The following ADAM28 variants were observed in gnomAD, a reference collection of about 807,000 sequenced individuals.
The protein encoded by ADAM28 is ADAM metallopeptidase domain 28, also known as disintegrin and metalloproteinase domain-containing protein 28.
In ADAM28, 105 loss-of-function variants were observed where a neutral mutation model predicts 101.2. That is an observed-to-expected ratio of 1.04 (90% CI 0.89 to 1.22). The LOEUF is 1.22. Ranked by LOEUF, ADAM28 falls within the 50% of genes most tolerant of loss-of-function variation. The pLI is 0.00. For missense variants in ADAM28, 1,028 were observed against 945.4 expected (o/e 1.09, Z -1.15); for synonymous variants, 322 against 310.6 (o/e 1.04, Z -0.39).
chr8:24,317,453 A>T (rs1811306367), intron 6 of ADAM28, among the ~76,000 whole-genome samples: 1 of 152,196 alleles, frequency 6.6e-6, no homozygotes, highest in African/African-American at 2.4e-5. Context: ...CTCTTCAATA[A>T]ATAGTGCTGG....
intron 6 of ADAM28, among the ~76,000 whole-genome samples, chr8:24,319,821 T>A (rs1811632519): frequency 2.0e-5 from 3 of 151,886 alleles, no homozygotes; most frequent in Admixed American, 6.6e-5. Context: ...AGCATGTATT[T>A]CACCAGGATA....
intron 22 of ADAM28, among the ~76,000 whole-genome samples, 172 bp from the exon 23 acceptor site, chr8:24,354,212 A>C (rs896367424): frequency 6.6e-6 from 1 of 151,818 alleles, no homozygotes; most frequent in Non-Finnish European, 1.5e-5. Flanking sequence ...TGTTTTTCTC[A>C]CTCCCTTCCT....
At chr8:24,323,658 G>A (rs1488946281) in intron 8 of ADAM28, among the ~76,000 whole-genome samples, 176 bp from the exon 9 acceptor site, 1 of 151,784 alleles carries the variant, frequency 6.6e-6, no homozygotes, top group African/African-American at 2.4e-5. Flanking sequence ...CTTTTGTTTT[G>A]AATGGGAGTT....
chr8:24,321,986 T>C (rs971884584), intron 8 of ADAM28, among the ~76,000 whole-genome samples: 2 of 152,000 alleles, frequency 1.3e-5, no homozygotes, highest in African/African-American at 4.8e-5. Flanking sequence ...ATGAGTCTCT[T>C]TGTGGTATCC....
At position 24,356,495 on chromosome 8, in the gene ADAM28, T is replaced by A. The variant is rs1010038627; in HGVS notation, c.*2091T>A. ...GTCCCTGATGCAGATGCATCATACG[T>A]CCTATTTGAAGAGAAGAAATGCAGT... is the stretch of plus-strand genomic sequence containing the variant. On this transcript the variant is annotated 3_prime_UTR_variant, in exon 23 of 23. Transcript: ENST00000265769. 4 of 152,114 alleles carry A rather than the reference T, an allele frequency of 2.6e-5. No homozygotes were observed. Among genetic ancestry groups the A allele is most frequent in the Non-Finnish European group, 5.9e-5 (4 of 68,006 alleles). The allele number at this position is 152,114 out of a possible 1,614,324, so 9.4% of individuals were successfully genotyped here. A position where few individuals can be genotyped will look rare whatever the true frequency, so the allele number is the denominator to read the frequency against.
chr8:24,311,852 C>T (rs530434153), intron 5 of ADAM28, among the ~76,000 whole-genome samples: 1 of 152,230 alleles, frequency 6.6e-6, no homozygotes, highest in African/African-American at 2.4e-5. Flanking sequence ...GATTCTCCTA[C>T]CTCAGCCTCT....
intron 7 of ADAM28, 147 bp from the exon 8 acceptor site, chr8:24,321,071 T>C (rs1811807898): frequency 5.3e-6 from 3 of 569,836 alleles, no homozygotes; most frequent in East Asian, 6.0e-5. Flanking sequence ...TGAATAGGAA[T>C]TAATTTGATT....
intron 4 of ADAM28, 137 bp downstream of exon 4, chr8:24,310,378 A>ATTTTCCACTTTTCTTTTTTTT: frequency 1.4e-6 from 1 of 729,190 alleles, no homozygotes; most frequent in East Asian, 2.9e-5. Context: ...CATTACTTAA[A>ATTTTCCACTTTTCTTTTTTTT]ATATAAAAAA....
Position 24,312,729 on chromosome 8 carries a change from C to A in ADAM28, c.384-659C>A, listed in dbSNP as rs566024051. Among the ~76,000 whole-genome samples the A allele has an allele frequency of 3.3e-5, 5 of 151,882 alleles. No homozygotes were observed. In the East Asian group the frequency reaches 7.7e-4, roughly 23 times the overall value. ...AACATAAGCTCCATAAGAAAAGAGACCATGTCTTTATTTTTGCTGTCTACC... is the reference window on the plus strand; with the variant it reads ...AACATAAGCTCCATAAGAAAAGAGAACATGTCTTTATTTTTGCTGTCTACC... On this transcript the variant is annotated intron_variant, in intron 5 of 22. Transcript: ENST00000265769.
chr8:24,306,985 C>A (rs1356158890), intron 2 of ADAM28, among the ~76,000 whole-genome samples: 2 of 152,154 alleles, frequency 1.3e-5, no homozygotes, highest in Admixed American at 1.3e-4. Flanking sequence ...TGCCACACAA[C>A]AAATACATGA....
chr8:24,335,905 C>A, intron 14 of ADAM28: 1 of 1,147,074 alleles, frequency 8.7e-7, no homozygotes. Flanking sequence ...ATCAGTATAT[C>A]CCATGCAATA....
At chr8:24,346,614 C>G (rs76625014) in intron 18 of ADAM28, among the ~76,000 whole-genome samples, 11,600 of 152,056 alleles carry the variant, frequency 0.076, 802 homozygotes, top group African/African-American at 0.18. Context: ...CAGCCATTGG[C>G]TTTCAAGATT....
rs1475429158 is a variant in ADAM28, at chr8:24,320,318, G to A, written c.648+11G>A. 2 of 1,561,364 alleles carry A rather than the reference G, an allele frequency of 1.3e-6. No homozygotes were observed. The highest frequency in any genetic ancestry group is 1.8e-6 in the Non-Finnish European group (2 of 1,138,540). On this transcript the variant is annotated intron_variant, in intron 7 of 22. Coordinates refer to ENST00000265769, the MANE Select transcript of ADAM28 (RefSeq NM_014265.6). Reference sequence around the variant, plus strand: ...CTGGATAATGGTGAGGTAATTATATGAGATAAATGTGCTGTCTTCCAAAAC... The same window carrying A: ...CTGGATAATGGTGAGGTAATTATATAAGATAAATGTGCTGTCTTCCAAAAC...
In ADAM28 at chr8:24,330,129, G is replaced by A; in HGVS notation, c.1103+14G>A. 1 of 1,610,016 alleles carries A rather than the reference G, an allele frequency of 6.2e-7. No homozygotes were observed. The highest frequency in any genetic ancestry group is 1.7e-5 in the Admixed American group (1 of 59,772). On this transcript the variant is annotated intron_variant, in intron 11 of 22. Coordinates refer to ENST00000265769, the MANE Select transcript of ADAM28 (RefSeq NM_014265.6). ...CAAAGCACTGAGGTGAGGCTCTCTG[G>A]GCCCTGGGGACATGCTATGTAGCCC...
intron 4 of ADAM28, among the ~76,000 whole-genome samples, chr8:24,310,980 G>A (rs1228737684): frequency 6.6e-6 from 1 of 152,084 alleles, no homozygotes; most frequent in Non-Finnish European, 1.5e-5. Flanking sequence ...CCTATCCTTT[G>A]GAAAAAAGCT....
At chr8:24,336,296 AAC>A (rs1486125823) in intron 14 of ADAM28, among the ~76,000 whole-genome samples, 2 of 152,094 alleles carry the variant, frequency 1.3e-5, no homozygotes, top group African/African-American at 4.8e-5. Flanking sequence ...AGTATTAAAT[AAC>A]TTTGGCCAGG....
rs577391007 is a variant in ADAM28 at position 24,312,290 on chromosome 8, T to C, written c.383+853T>C. Among the ~76,000 whole-genome samples the C allele has an allele frequency of 2.1e-4, 32 of 152,274 alleles. No homozygotes were observed. The South Asian group carries it at 6.6e-3, about 32-fold the overall frequency. On this transcript the variant is annotated intron_variant, in intron 5 of 22. Transcript: ENST00000265769. ...TAATGATTGTCTTTTGAATCTGGTATGGTTTCCATGTTCTTTATTTTAATC... is the reference window on the plus strand; with the variant it reads ...TAATGATTGTCTTTTGAATCTGGTACGGTTTCCATGTTCTTTATTTTAATC...
At chr8:24,354,292 A>ATAAT in intron 22 of ADAM28, 92 bp from the exon 23 acceptor site, 1 of 1,134,674 alleles carries the variant, frequency 8.8e-7, no homozygotes, top group South Asian at 1.4e-5. Context: ...CTGACTTCAG[A>ATAAT]TAATTTTAAT....
At chr8:24,318,289 AT>A (rs1317318420) in intron 6 of ADAM28, among the ~76,000 whole-genome samples, 1 of 151,892 alleles carries the variant, frequency 6.6e-6, no homozygotes, top group Non-Finnish European at 1.5e-5. Context: ...CTTTTGAGAC[AT>A]TTTATCGTTT....
Sources: gnomAD v4.1 joint callset for allele counts (sites outside exome capture counted in the v4.1 genomes callset) on GRCh38, gnomAD v4.1.1 for gene constraint, MANE v1.5 for transcripts, NCBI Gene and HGNC (gene_info 2026-07-23, HGNC 2026-07-21) for gene names.